Variants in CFTR observed in about 807,000 individuals in gnomAD.
CFTR encodes the protein cystic fibrosis transmembrane conductance regulator.
A neutral mutation model predicts 171.6 loss-of-function variants in CFTR; 181 were observed. That is an observed-to-expected ratio of 1.05 (90% CI 0.93 to 1.19). CFTR has a LOEUF of 1.19. Ranked by LOEUF, CFTR falls within the 50% of genes most tolerant of loss-of-function variation. The probability of loss-of-function intolerance (pLI) is 0.00; values close to 1 mark genes in which losing one functional copy is unlikely to be tolerated. For missense variants in CFTR, 1,968 were observed against 1,734.7 expected, an observed-to-expected ratio of 1.13 and a Z score of -2.39; for synonymous variants, 583 against 608.0, an observed-to-expected ratio of 0.96 and a Z score of 0.60.
intron 15 of CFTR, among the ~76,000 whole-genome samples, chr7:117,597,169 G>A (rs1024874089): frequency 2.6e-5 from 4 of 152,212 alleles, no homozygotes; most frequent in East Asian, 1.9e-4. Flanking sequence ...TCCGCATTGC[G>A]TTTATGAGCT....
chr7:117,502,242 G>A (rs895330718), intron 1 of CFTR, among the ~76,000 whole-genome samples: 1 of 152,168 alleles, frequency 6.6e-6, no homozygotes, highest in African/African-American at 2.4e-5. Context: ...GTAAAAGAAT[G>A]AATGAAGTCA....
In CFTR at chr7:117,635,133, T is replaced by C. The variant is rs1339130749; in HGVS notation, c.3718-7305T>C. 3.3e-5 allele frequency among the ~76,000 whole-genome samples: 5 copies of C among 152,170 alleles called. No individual in the cohort carries two copies. In the East Asian group the frequency reaches 9.6e-4, roughly 29 times the overall value. On this transcript the variant is annotated intron_variant, in intron 22 of 26. Coordinates refer to ENST00000003084, the MANE Select transcript of CFTR (RefSeq NM_000492.4). ...CTGCTTCATGTCTTTTGATGCTTTG[T>C]TGCTAGAAACATACACATGAAGAAT... is the stretch of plus-strand genomic sequence containing the variant.
intron 11 of CFTR, among the ~76,000 whole-genome samples, chr7:117,572,174 G>A (rs1791701671): frequency 1.3e-5 from 2 of 152,034 alleles, no homozygotes; most frequent in Admixed American, 1.3e-4. Flanking sequence ...GCTAATTTTT[G>A]TATTTTTAGT....
chr7:117,565,068 T>C (rs990850224), intron 11 of CFTR, among the ~76,000 whole-genome samples: 1 of 152,202 alleles, frequency 6.6e-6, no homozygotes, highest in African/African-American at 2.4e-5. Context: ...TATAGAAGAA[T>C]GAATTTCTAG....
Position 117,587,782 on chromosome 7 carries a change from A to G in CFTR, c.1628A>G (p.Glu543Gly), listed in dbSNP as rs1791965536. 1 of 1,612,216 alleles carries G rather than the reference A, an allele frequency of 6.2e-7. No individual in the cohort carries two copies. The highest frequency in any genetic ancestry group is 2.2e-5 in the East Asian group (1 of 44,816). Residue 543 changes from glutamate to glycine, a missense_variant, in exon 12 of 27, where the codon GAA becomes GGA. Glu to Gly is a moderately conservative substitution (Grantham distance 98). Coordinates refer to ENST00000003084, the MANE Select transcript of CFTR (RefSeq NM_000492.4). The stretch of plus-strand genomic sequence containing the variant: ...GAGAAAGACAATATAGTTCTTGGAG[A>G]AGGTGGAATCACACTGAGTGGAGGT... ...FAEKDNIVLG[E>G]GGITLSGGQR...
intron 10 of CFTR, among the ~76,000 whole-genome samples, chr7:117,557,975 T>C (rs1429186164): frequency 6.6e-6 from 1 of 151,738 alleles, no homozygotes; most frequent in Non-Finnish European, 1.5e-5. Context: ...GTACATAACA[T>C]AAAATTTATC....
At position 117,603,680 on chromosome 7, in the gene CFTR, C is replaced by A. The variant is rs780528577; in HGVS notation, c.2806C>A (p.Pro936Thr). The stretch of plus-strand genomic sequence containing the variant: ...TGCTATGGGATTCTTCAGAGGTCTA[C>A]CACTGGTGCATACTCTAATCACAGT... ...LLAMGFFRGLPLVHTLITVSK... is the reference protein window; with the variant it reads ...LLAMGFFRGLTLVHTLITVSK... Residue 936 changes from proline to threonine, a missense_variant, in exon 17 of 27, where the codon CCA becomes ACA. Physicochemically the swap from Pro to Thr is conservative, Grantham distance 38. Coordinates refer to ENST00000003084, the MANE Select transcript of CFTR (RefSeq NM_000492.4). 6.8e-6 allele frequency: 11 copies of A among 1,614,088 alleles called. No individual in the cohort carries two copies. Among genetic ancestry groups the A allele is most frequent in the Non-Finnish European group, 9.3e-6 (11 of 1,179,972 alleles).
At chr7:117,533,123 C>G (rs1307396414) in intron 4 of CFTR, among the ~76,000 whole-genome samples, 1 of 152,136 alleles carries the variant, frequency 6.6e-6, no homozygotes, top group Non-Finnish European at 1.5e-5. Context: ...TGAGTCCTTA[C>G]TGTGCACACA....
intron 22 of CFTR, among the ~76,000 whole-genome samples, chr7:117,639,005 G>A (rs929644902): frequency 6.6e-6 from 1 of 151,990 alleles, no homozygotes; most frequent in Non-Finnish European, 1.5e-5. Flanking sequence ...TTCTTGGGGG[G>A]GAAAAAAGCA....
chr7:117,593,397 A>G (rs1387914734), intron 14 of CFTR, among the ~76,000 whole-genome samples: 2 of 152,176 alleles, frequency 1.3e-5, no homozygotes, highest in Non-Finnish European at 2.9e-5. Flanking sequence ...TAATGAATTG[A>G]TATGTTTAAT....
rs149488459 is a variant in CFTR at position 117,631,657 on chromosome 7, A to G, written c.3717+3887A>G. ...GTGCTCAGAAGGTGGTATTCCAGAG[A>G]GAGCACAGAATCTCTGTTCCCCTTC... On this transcript the variant is annotated intron_variant, in intron 22 of 26. Transcript: ENST00000003084. Among the ~76,000 whole-genome samples the G allele has an allele frequency of 1.7e-4, 26 of 152,328 alleles. No individual in the cohort carries two copies. The East Asian group carries it at 5.0e-3, about 29-fold the overall frequency.
intron 5 of CFTR, among the ~76,000 whole-genome samples, chr7:117,535,021 G>A (rs1029937981): frequency 3.3e-5 from 5 of 152,158 alleles, no homozygotes; most frequent in Non-Finnish European, 4.4e-5. Context: ...GCTTAAAAAT[G>A]CACTGACTTG....
At chr7:117,606,128 A>G (rs1792296769) in intron 17 of CFTR, among the ~76,000 whole-genome samples, 1 of 152,158 alleles carries the variant, frequency 6.6e-6, no homozygotes, top group South Asian at 2.1e-4. Flanking sequence ...TTCAGATGAC[A>G]GGTTGAAATG....
At position 117,652,850 on chromosome 7, in the gene CFTR, TA is replaced by T. The variant is rs397508630; in HGVS notation, c.3883del (p.Ile1295PhefsTer33). ...AFGVIPQKVF[I>X]FSGTFRKNLD... ...TTTCTTTTTTGCTATAGAAAGTATT[TA>T]TTTTTTCTGGAACATTTAGAAAAAA... On this transcript the variant is annotated frameshift_variant, in exon 24 of 27. Coordinates refer to ENST00000003084, the MANE Select transcript of CFTR (RefSeq NM_000492.4). LOFTEE classifies it high-confidence loss of function. 6.7e-7 allele frequency: 1 copy of T among 1,501,700 alleles called. No individual in the cohort carries two copies. Among genetic ancestry groups the T allele is most frequent in the Non-Finnish European group, 9.3e-7 (1 of 1,080,096 alleles). 93.0% of individuals were successfully genotyped at this position (1,501,700 alleles called of 1,614,324 possible). A position where few individuals can be genotyped will look rare whatever the true frequency, so the allele number is the denominator to read the frequency against.
At chr7:117,623,782 G>C (rs1792614235) in intron 21 of CFTR, among the ~76,000 whole-genome samples, 2 of 152,166 alleles carry the variant, frequency 1.3e-5, no homozygotes. Flanking sequence ...GATTTATTAA[G>C]TGACTGCATG....
chr7:117,649,114 A>T (rs2116186474), intron 23 of CFTR, among the ~76,000 whole-genome samples: 1 of 151,974 alleles, frequency 6.6e-6, no homozygotes, highest in Middle Eastern at 3.4e-3. Context: ...TTTGATAGAT[A>T]TTTTATATAA....
chr7:117,564,992 C>T (rs1174363850), intron 11 of CFTR, among the ~76,000 whole-genome samples: 1 of 152,180 alleles, frequency 6.6e-6, no homozygotes, highest in Non-Finnish European at 1.5e-5. Flanking sequence ...GATTCTTCAC[C>T]TTCAGTCCTC....
chr7:117,628,178 T>C (rs1792686112), intron 22 of CFTR, among the ~76,000 whole-genome samples: 2 of 152,170 alleles, frequency 1.3e-5, no homozygotes, highest in Non-Finnish European at 2.9e-5. Flanking sequence ...ACTTTTTTTC[T>C]AGCTTTTTTC....
intron 3 of CFTR, among the ~76,000 whole-genome samples, chr7:117,524,529 C>T (rs1798741639): frequency 2.0e-5 from 3 of 151,848 alleles, no homozygotes; most frequent in Admixed American, 2.0e-4. Flanking sequence ...CCATTGTAAG[C>T]ATACTATGAG....
Sources: gnomAD v4.1 joint callset for allele counts (sites outside exome capture counted in the v4.1 genomes callset) on GRCh38, gnomAD v4.1.1 for gene constraint, MANE v1.5 for transcripts, NCBI Gene and HGNC (gene_info 2026-07-23, HGNC 2026-07-21) for gene names.